Variants in ZFP90 observed in about 807,000 individuals in gnomAD.
ZFP90 encodes ZFP90 zinc finger protein.
In ZFP90, 38 loss-of-function variants were observed where a neutral mutation model predicts 60.8. The observed-to-expected ratio is 0.62, with a 90% CI of 0.48 to 0.82. ZFP90 has a LOEUF of 0.82. Ranked by LOEUF, ZFP90 falls within the 40% of genes least tolerant of loss-of-function variation. The pLI is 0.00. For missense variants in ZFP90, 711 were observed against 759.1 expected (o/e 0.94, Z 0.74); for synonymous variants, 287 against 264.8 (o/e 1.08, Z -0.82).
chr16:68,539,618 A>G, intron 1 of ZFP90, 139 bp downstream of exon 1: 1 of 617,930 alleles, frequency 1.6e-6, no homozygotes, highest in Non-Finnish European at 2.6e-6. Context: ...GGGGATGGGG[A>G]GCGGCAGGCC....
At chr16:68,537,328 G>A (rs1032991418), upstream of ZFP90, among the ~76,000 whole-genome samples, 6 of 152,032 alleles carry the variant, frequency 3.9e-5, no homozygotes, top group African/African-American at 1.2e-4. Context: ...GTTTTACTAT[G>A]TTGGCCAGGC....
chr16:68,563,228 A>G lies in ZFP90; in HGVS notation c.441A>G (p.Lys147=), dbSNP rs761923327. The change falls in exon 5 of 5, where the codon AAA becomes AAG. Residue 147 remains lysine (K), a synonymous_variant. Coordinates refer to ENST00000563169, the MANE Select transcript of ZFP90 (RefSeq NM_001305203.2). ...HLGSEASTQK[K]IITPQENFEQ... ...GATCAGAGGCATCCACCCAGAAGAA[A>G]ATAATTACACCACAAGAAAATTTTG... 1.5e-5 allele frequency: 25 copies of G among 1,613,602 alleles called. No individual in the cohort carries two copies. The East Asian group carries it at 5.6e-4, about 36-fold the overall frequency.
intron 2 of ZFP90, among the ~76,000 whole-genome samples, chr16:68,552,836 G>A (rs752142076): frequency 7.2e-5 from 11 of 152,110 alleles, no homozygotes; most frequent in Non-Finnish European, 1.6e-4. Context: ...CAGGAGAACT[G>A]CTTGAGCCCA....
intron 2 of ZFP90, chr16:68,575,768 G>A (rs536234065): frequency 2.5e-6 from 1 of 398,244 alleles, no homozygotes; most frequent in African/African-American, 2.1e-5. Context: ...GGTTTCAGTG[G>A]GGACCTGTTC....
chr16:68,569,172 T>G (rs1217775538), downstream of ZFP90, among the ~76,000 whole-genome samples: 1 of 130,770 alleles, frequency 7.6e-6, no homozygotes, highest in Admixed American at 9.0e-5. Context: ...AGTCTCACTC[T>G]GTCACCCAAG....
At chr16:68,560,269 A>G (rs894062562) in intron 4 of ZFP90, among the ~76,000 whole-genome samples, 1 of 152,154 alleles carries the variant, frequency 6.6e-6, no homozygotes, top group Admixed American at 6.5e-5. Context: ...TGTCATACCC[A>G]TTAACAGTTA....
chr16:68,576,306 T>C (rs533798013), downstream of ZFP90, among the ~76,000 whole-genome samples: 1 of 152,270 alleles, frequency 6.6e-6, no homozygotes, highest in African/African-American at 2.4e-5. Context: ...CAAACAGCCT[T>C]TTCCCCAGGG....
downstream of ZFP90, among the ~76,000 whole-genome samples, chr16:68,571,501 C>A (rs2091567871): frequency 6.6e-6 from 1 of 152,142 alleles, no homozygotes. Context: ...ATTCCTCCTC[C>A]CACACAACCA....
upstream of ZFP90, among the ~76,000 whole-genome samples, chr16:68,537,855 C>T (rs2090973547): frequency 6.6e-6 from 1 of 152,112 alleles, no homozygotes; most frequent in African/African-American, 2.4e-5. Flanking sequence ...CTTGTTAGCC[C>T]CTTGCGCAGG....
In ZFP90 at chr16:68,539,762, T is replaced by G; in HGVS notation, c.-31T>G. The G allele has an allele frequency of 6.4e-7, 1 of 1,568,090 alleles. No homozygotes were observed. The highest frequency in any genetic ancestry group is 8.6e-7 in the Non-Finnish European group (1 of 1,157,198). On this transcript the variant is annotated 5_prime_UTR_variant, in exon 2 of 5. Transcript: ENST00000563169. ...GGCCCTGTCCTTTCTCCCCAGCTCC[T>G]GCCCCGGAGCCGGGCCCTGGCGAGG...
At chr16:68,545,697 C>G (rs2091136962) in intron 2 of ZFP90, among the ~76,000 whole-genome samples, 3 of 152,120 alleles carry the variant, frequency 2.0e-5, no homozygotes, top group African/African-American at 4.8e-5. Context: ...TGCCTGTAGT[C>G]CCAGCTACTC....
At chr16:68,556,907 C>G (rs969009895) in intron 2 of ZFP90, among the ~76,000 whole-genome samples, 1 of 152,124 alleles carries the variant, frequency 6.6e-6, no homozygotes, top group African/African-American at 2.4e-5. Context: ...TAGGGAATAA[C>G]AAAAGGGCTG....
intron 1 of ZFP90, among the ~76,000 whole-genome samples, chr16:68,533,495 C>T (rs986592722): frequency 6.6e-6 from 1 of 152,114 alleles, no homozygotes; most frequent in African/African-American, 2.4e-5. Context: ...TCACTGTTTC[C>T]TTGTCTATAT....
At chr16:68,557,657 C>G (rs1240055472) in intron 2 of ZFP90, among the ~76,000 whole-genome samples, 2 of 151,378 alleles carry the variant, frequency 1.3e-5, no homozygotes. Flanking sequence ...AAGGTCATCA[C>G]TTTTTACTAC....
chr16:68,565,735 AAGTC>A lies in ZFP90; in HGVS notation c.*1038_*1041del. On this transcript the variant is annotated 3_prime_UTR_variant, in exon 5 of 5. Coordinates refer to ENST00000563169, the MANE Select transcript of ZFP90 (RefSeq NM_001305203.2). ...CCGTTAATTTTCTTGCAGAAAAGTT[AAGTC>A]TAATTGCCCATTGCCATAAATTTTG... 1 of 982,458 alleles carries A rather than the reference AAGTC, an allele frequency of 1.0e-6. No homozygotes were observed. The highest frequency in any genetic ancestry group is 4.7e-5 in the South Asian group (1 of 21,174). The allele number at this position is 982,458 out of a possible 1,614,324, so 60.9% of individuals were successfully genotyped here. A position where few individuals can be genotyped will look rare whatever the true frequency, so the allele number is the denominator to read the frequency against.
chr16:68,569,461 A>C (rs773505581), downstream of ZFP90, among the ~76,000 whole-genome samples: 2 of 152,076 alleles, frequency 1.3e-5, no homozygotes, highest in African/African-American at 4.8e-5. Flanking sequence ...CTTGTATGCT[A>C]TCCTCCAGCA....
intron 1 of ZFP90, 69 bp from the exon 2 acceptor site, chr16:68,539,689 T>TGGGGCGGGGCGGGGCGGGGTG: frequency 1.1e-6 from 1 of 884,304 alleles, no homozygotes. Context: ...GGGGCGGAGG[T>TGGGGCGGGGCGGGGCGGGGTG]GGGGCGGGGC....
intron 4 of ZFP90, among the ~76,000 whole-genome samples, chr16:68,560,938 A>G (rs1253020600): frequency 6.6e-6 from 1 of 150,482 alleles, no homozygotes; most frequent in East Asian, 2.0e-4. Flanking sequence ...CTGGAGTACA[A>G]TGGCATGATG....
intron 2 of ZFP90, among the ~76,000 whole-genome samples, chr16:68,551,615 T>C (rs2091262783): frequency 6.6e-6 from 1 of 151,988 alleles, no homozygotes; most frequent in South Asian, 2.1e-4. Context: ...AGACAGGGTT[T>C]TGCCAGGTTG....
Sources: gnomAD v4.1 joint callset for allele counts (sites outside exome capture counted in the v4.1 genomes callset) on GRCh38, gnomAD v4.1.1 for gene constraint, MANE v1.5 for transcripts, NCBI Gene and HGNC (gene_info 2026-07-23, HGNC 2026-07-21) for gene names.